The following SPAG16 variants were observed in gnomAD, a reference collection of about 807,000 sequenced individuals.
The protein encoded by SPAG16 is sperm-associated antigen 16 protein.
SPAG16 carries 86 observed loss-of-function variants against 80.4 expected under a neutral mutation model. That is an observed-to-expected ratio of 1.07 (90% CI 0.90 to 1.28). SPAG16 has a LOEUF of 1.28. Among genes scored for constraint, SPAG16 ranks in the 50% most tolerant of loss-of-function variants. The pLI, the probability that SPAG16 is intolerant of heterozygous loss-of-function variation, is 0.00. For synonymous variants in SPAG16, 294 were observed against 265.9 expected, an observed-to-expected ratio of 1.11 and a Z score of -1.03; for missense variants, 870 against 765.3, an observed-to-expected ratio of 1.14 and a Z score of -1.61.
Position 213,356,581 on chromosome 2 carries a change from A to G in SPAG16, c.762+5936A>G, listed in dbSNP as rs1376693025. 1.1e-4 allele frequency among the ~76,000 whole-genome samples: 17 copies of G among 152,054 alleles called. No homozygotes were observed. The East Asian group carries it at 2.7e-3, about 24-fold the overall frequency. On this transcript the variant is annotated intron_variant, in intron 7 of 15. Coordinates refer to ENST00000331683, the MANE Select transcript of SPAG16 (RefSeq NM_024532.5). ...TGATGGTAGTTTGTATTTCTATGGG[A>G]TCGGTGGGGATATCCCCTTTATCAT...
chr2:213,489,731 A>G (rs763214998), intron 9 of SPAG16, among the ~76,000 whole-genome samples: 13 of 152,094 alleles, frequency 8.5e-5, no homozygotes, highest in Non-Finnish European at 1.3e-4. Context: ...GTAATTTTTA[A>G]CATGTAACAT....
At chr2:213,942,711 T>C (rs2079262030) in intron 12 of SPAG16, among the ~76,000 whole-genome samples, 1 of 152,164 alleles carries the variant, frequency 6.6e-6, no homozygotes, top group Admixed American at 6.5e-5. Flanking sequence ...ATTTAAACCT[T>C]TACTTACTAT....
intron 10 of SPAG16, among the ~76,000 whole-genome samples, chr2:213,591,104 A>G (rs1394070219): frequency 6.6e-6 from 1 of 152,238 alleles, no homozygotes; most frequent in East Asian, 1.9e-4. Context: ...ACACATGAAC[A>G]TAATTGTACA....
intron 10 of SPAG16, among the ~76,000 whole-genome samples, chr2:213,496,429 A>C (rs1315834379): frequency 1.3e-5 from 2 of 152,134 alleles, no homozygotes; most frequent in Admixed American, 6.6e-5. Flanking sequence ...TAAACTTCTA[A>C]GTGAACTTAG....
At chr2:213,370,941 T>TTAC (rs1178926969) in intron 8 of SPAG16, among the ~76,000 whole-genome samples, 1 of 152,222 alleles carries the variant, frequency 6.6e-6, no homozygotes, top group Non-Finnish European at 1.5e-5. Context: ...TCAAAAGTAG[T>TTAC]TATTTAAATC....
intron 13 of SPAG16, among the ~76,000 whole-genome samples, chr2:214,062,687 T>TTA (rs2050333841): frequency 6.7e-6 from 1 of 148,678 alleles, no homozygotes; most frequent in South Asian, 2.1e-4. Flanking sequence ...TTTTTTTTTT[T>TTA]AGTCTCTGCT....
chr2:213,801,306 G>A (rs955301068), intron 10 of SPAG16, among the ~76,000 whole-genome samples: 1 of 152,120 alleles, frequency 6.6e-6, no homozygotes, highest in Non-Finnish European at 1.5e-5. Context: ...CTACTAATCA[G>A]GTGTCTTCAA....
intron 15 of SPAG16, among the ~76,000 whole-genome samples, chr2:214,318,605 G>C (rs540591795): frequency 1.3e-5 from 2 of 151,944 alleles, no homozygotes; most frequent in Admixed American, 1.3e-4. Context: ...CGAACTCCTG[G>C]CCTCAAGTGA....
rs543322974 is a variant in SPAG16, at chr2:213,736,927, A to C, written c.1071-125558A>C. 2.0e-5 allele frequency among the ~76,000 whole-genome samples: 3 copies of C among 151,860 alleles called. No homozygotes were observed. The East Asian group carries it at 5.8e-4, about 30-fold the overall frequency. ...CACCATGTTAGCCAGGCTGGTCTTG[A>C]ACGCCTGACCTCAGGTGATCTGCCC... On this transcript the variant is annotated intron_variant, in intron 10 of 15. Coordinates refer to ENST00000331683, the MANE Select transcript of SPAG16 (RefSeq NM_024532.5).
At chr2:213,612,581 A>T (rs1221010032) in intron 10 of SPAG16, among the ~76,000 whole-genome samples, 1 of 152,230 alleles carries the variant, frequency 6.6e-6, no homozygotes, top group Non-Finnish European at 1.5e-5. Context: ...TGGTTCAAAA[A>T]TCATAAAATC....
chr2:213,528,466 G>A (rs2075962731), intron 10 of SPAG16, among the ~76,000 whole-genome samples: 1 of 152,084 alleles, frequency 6.6e-6, no homozygotes, highest in Non-Finnish European at 1.5e-5. Flanking sequence ...ACAGATGTGT[G>A]TGTGTGTTCT....
At chr2:214,362,270 C>G (rs142479373) in intron 15 of SPAG16, among the ~76,000 whole-genome samples, 2 of 151,960 alleles carry the variant, frequency 1.3e-5, no homozygotes, top group Non-Finnish European at 2.9e-5. Context: ...GTCACAGAGT[C>G]ATTCCTAAGT....
At chr2:214,010,359 A>T (rs1044365343) in intron 12 of SPAG16, among the ~76,000 whole-genome samples, 3 of 146,954 alleles carry the variant, frequency 2.0e-5, no homozygotes, top group Non-Finnish European at 4.5e-5. Context: ...TTTCTAAACA[A>T]AATAAATGGA....
intron 10 of SPAG16, among the ~76,000 whole-genome samples, chr2:213,638,599 C>T (rs1304712535): frequency 6.6e-6 from 1 of 152,046 alleles, no homozygotes; most frequent in East Asian, 1.9e-4. Context: ...CCATTGTGGT[C>T]TGAGAGAGTA....
At chr2:214,261,601 A>G (rs80271476) in intron 15 of SPAG16, among the ~76,000 whole-genome samples, 391 of 152,304 alleles carry the variant, frequency 2.6e-3, no homozygotes, top group Non-Finnish European at 4.5e-3. Flanking sequence ...ATCTTATCAC[A>G]CACATTTGCC....
At chr2:213,819,014 A>G (rs1310036508) in intron 10 of SPAG16, among the ~76,000 whole-genome samples, 2 of 139,680 alleles carry the variant, frequency 1.4e-5, no homozygotes, top group Non-Finnish European at 3.4e-5. Context: ...ACTAAGTATT[A>G]AAAGTGTACA....
At chr2:213,533,339 C>T (rs2076136212) in intron 10 of SPAG16, among the ~76,000 whole-genome samples, 1 of 152,168 alleles carries the variant, frequency 6.6e-6, no homozygotes, top group African/African-American at 2.4e-5. Flanking sequence ...GATTATTCTG[C>T]ACCAGACCTT....
intron 11 of SPAG16, among the ~76,000 whole-genome samples, chr2:213,909,880 A>G (rs1287804765): frequency 6.6e-6 from 1 of 152,214 alleles, no homozygotes; most frequent in African/African-American, 2.4e-5. Context: ...AGAAACTTGC[A>G]TGAAAACAGG....
rs565822000 is a variant in SPAG16 at position 213,573,033 on chromosome 2, G to A, written c.1070+82943G>A. ...CGTCCATCACCCCTTTCTTTGACTC[G>A]GAAAGGGAACTCCCTGACCCCTCGC... On this transcript the variant is annotated intron_variant, in intron 10 of 15. Transcript: ENST00000331683. 2.5e-3 allele frequency among the ~76,000 whole-genome samples: 388 copies of A among 152,200 alleles called. 2 individuals are homozygous for A. The highest frequency in any genetic ancestry group is 8.3e-3 in the African/African-American group (344 of 41,486).
Sources: gnomAD v4.1 joint callset for allele counts (sites outside exome capture counted in the v4.1 genomes callset) on GRCh38, gnomAD v4.1.1 for gene constraint, MANE v1.5 for transcripts, NCBI Gene and HGNC (gene_info 2026-07-23, HGNC 2026-07-21) for gene names.